DNAJC1: variants seen among roughly 807,000 people sequenced by gnomAD.
The protein encoded by DNAJC1 is dnaJ homolog subfamily C member 1.
DNAJC1 carries 58 observed loss-of-function variants against 76.6 expected under a neutral mutation model. The observed-to-expected ratio is 0.76, with a 90% CI of 0.61 to 0.94. The LOEUF (loss-of-function observed/expected upper bound fraction) is 0.94. Ranked by LOEUF, DNAJC1 falls within the 40% of genes least tolerant of loss-of-function variation. The probability of loss-of-function intolerance (pLI) is 0.00; values close to 1 mark genes in which losing one functional copy is unlikely to be tolerated. For missense variants in DNAJC1, 689 were observed against 677.3 expected (o/e 1.02, Z -0.19); for synonymous variants, 258 against 267.9 (o/e 0.96, Z 0.36).
chr10:21,762,653 A>C (rs374383084), intron 10 of DNAJC1, among the ~76,000 whole-genome samples: 1 of 152,312 alleles, frequency 6.6e-6, no homozygotes, highest in East Asian at 1.9e-4. Flanking sequence ...TCTGTCACCC[A>C]GGCTGGAGTG....
At chr10:21,812,349 G>A (rs746776020) in intron 8 of DNAJC1, among the ~76,000 whole-genome samples, 21 of 152,094 alleles carry the variant, frequency 1.4e-4, no homozygotes, top group East Asian at 3.9e-4. Flanking sequence ...GAGCCACTGC[G>A]CCCAGCCAGA....
chr10:21,932,375 T>C (rs1590055081), intron 1 of DNAJC1, among the ~76,000 whole-genome samples: 1 of 152,034 alleles, frequency 6.6e-6, no homozygotes, highest in Non-Finnish European at 1.5e-5. Flanking sequence ...GAAAATAATG[T>C]AAGCTTATCA....
intron 8 of DNAJC1, among the ~76,000 whole-genome samples, chr10:21,878,838 G>A (rs965556964): frequency 3.3e-5 from 5 of 151,866 alleles, no homozygotes; most frequent in African/African-American, 1.2e-4. Flanking sequence ...ATACTAAAAG[G>A]CATGCACAAG....
intron 1 of DNAJC1, among the ~76,000 whole-genome samples, chr10:21,969,869 A>T (rs979316153): frequency 1.3e-5 from 2 of 152,114 alleles, no homozygotes; most frequent in Non-Finnish European, 2.9e-5. Flanking sequence ...GAGTTTATGC[A>T]TTATGTAGGA....
At chr10:21,780,656 G>T (rs1834516121) in intron 9 of DNAJC1, among the ~76,000 whole-genome samples, 1 of 152,202 alleles carries the variant, frequency 6.6e-6, no homozygotes, top group African/African-American at 2.4e-5. Flanking sequence ...AAACTGTAAA[G>T]ACCATTGATG....
At chr10:21,958,551 C>T (rs1837733234) in intron 1 of DNAJC1, among the ~76,000 whole-genome samples, 1 of 151,938 alleles carries the variant, frequency 6.6e-6, no homozygotes, top group Non-Finnish European at 1.5e-5. Context: ...CCTCAGCCTT[C>T]TCAGTAGCTA....
chr10:21,818,739 T>A (rs1835113289), intron 8 of DNAJC1, among the ~76,000 whole-genome samples: 1 of 152,134 alleles, frequency 6.6e-6, no homozygotes, highest in Non-Finnish European at 1.5e-5. Context: ...AAGAAAGAAA[T>A]GAGTAAGACC....
intron 8 of DNAJC1, chr10:21,865,548 T>C (rs112493998): frequency 5.9e-5 from 9 of 152,128 alleles, no homozygotes; most frequent in African/African-American, 1.9e-4. Context: ...AGATCACTGG[T>C]TGCCTGAAGA....
chr10:21,836,168 T>C (rs931247343), intron 8 of DNAJC1, among the ~76,000 whole-genome samples: 3 of 152,288 alleles, frequency 2.0e-5, no homozygotes, highest in Middle Eastern at 3.4e-3. Flanking sequence ...CGGGGGCCAA[T>C]ATTCGACATT....
rs77751851 is a variant in DNAJC1, at chr10:21,947,310, T to C, written c.223-18169A>G. ...AGTTTGATCTGCAAGGGTCCACTTATATTCAGATTTTTTTCAATAAAAGTT... is the reference window on the plus strand; with the variant it reads ...AGTTTGATCTGCAAGGGTCCACTTACATTCAGATTTTTTTCAATAAAAGTT... On this transcript the variant is annotated intron_variant, in intron 1 of 11. Coordinates refer to ENST00000376980, the MANE Select transcript of DNAJC1 (RefSeq NM_022365.4). Among the ~76,000 whole-genome samples the C allele has an allele frequency of 9.3e-4, 142 of 152,258 alleles. 3 individuals carry two copies. In the East Asian group the frequency reaches 0.027, roughly 29 times the overall value.
chr10:21,835,189 C>G lies in DNAJC1; in HGVS notation c.979-29090G>C, dbSNP rs1166600523. ...TTCACCAATATCCGCTGTTCTGCAG[C>G]CACCGCTGCTGATACCCAGGCAAAC... On this transcript the variant is annotated intron_variant, in intron 8 of 11. Coordinates refer to ENST00000376980, the MANE Select transcript of DNAJC1 (RefSeq NM_022365.4). Among the ~76,000 whole-genome samples the G allele has an allele frequency of 2.0e-5, 3 of 152,190 alleles. No homozygotes were observed. The South Asian group carries it at 6.2e-4, about 32-fold the overall frequency.
At chr10:21,761,574 T>C (rs1387951691) in intron 10 of DNAJC1, among the ~76,000 whole-genome samples, 2 of 149,574 alleles carry the variant, frequency 1.3e-5, no homozygotes, top group Non-Finnish European at 3.0e-5. Flanking sequence ...AAAATCTAGA[T>C]ATAATTTTTA....
At chr10:21,786,491 G>GAGAGAGAC (rs1564787699) in intron 9 of DNAJC1, among the ~76,000 whole-genome samples, 2 of 143,114 alleles carry the variant, frequency 1.4e-5, no homozygotes, top group African/African-American at 2.6e-5. Flanking sequence ...GAGAGAGAGA[G>GAGAGAGAC]AGAGAGAGAG....
intron 9 of DNAJC1, among the ~76,000 whole-genome samples, chr10:21,776,941 A>G (rs1049517723): frequency 2.0e-5 from 3 of 152,198 alleles, no homozygotes; most frequent in Non-Finnish European, 4.4e-5. Flanking sequence ...TGGTTTCCCC[A>G]AATTTTAACA....
chr10:21,781,487 A>G (rs1159052958), intron 9 of DNAJC1, among the ~76,000 whole-genome samples: 2 of 152,058 alleles, frequency 1.3e-5, no homozygotes, highest in Non-Finnish European at 2.9e-5. Context: ...TTTGGGAGGC[A>G]GAGGCGGGCA....
At chr10:21,970,982 T>C (rs1289411196) in intron 1 of DNAJC1, among the ~76,000 whole-genome samples, 3 of 151,962 alleles carry the variant, frequency 2.0e-5, no homozygotes, top group South Asian at 2.1e-4. Context: ...GATATATGTA[T>C]ACACTATGAA....
Position 21,824,899 on chromosome 10 carries a change from C to T in DNAJC1, c.979-18800G>A, listed in dbSNP as rs766635698. 1.3e-4 allele frequency among the ~76,000 whole-genome samples: 20 copies of T among 152,172 alleles called. No homozygotes were observed. The South Asian group carries it at 1.7e-3, about 13-fold the overall frequency. On this transcript the variant is annotated intron_variant, in intron 8 of 11. Transcript: ENST00000376980. ...AGTGATTCTCCTGCCTCAGGCATTC[C>T]GAGTAGCTGGGATTATAGGTGCCCA...
intron 10 of DNAJC1, among the ~76,000 whole-genome samples, chr10:21,761,151 G>A (rs933467033): frequency 1.3e-5 from 2 of 152,218 alleles, no homozygotes; most frequent in Non-Finnish European, 2.9e-5. Flanking sequence ...CTGCACTCCA[G>A]CCTGGGAAAC....
chr10:21,818,689 A>G (rs181421357), intron 8 of DNAJC1, among the ~76,000 whole-genome samples: 266 of 152,290 alleles, frequency 1.7e-3, no homozygotes, highest in Non-Finnish European at 3.0e-3. Context: ...GGAAAAATAG[A>G]AAAGAACCTA....
Sources: gnomAD v4.1 joint callset for allele counts (sites outside exome capture counted in the v4.1 genomes callset) on GRCh38, gnomAD v4.1.1 for gene constraint, MANE v1.5 for transcripts, NCBI Gene and HGNC (gene_info 2026-07-23, HGNC 2026-07-21) for gene names.